AK9: variants seen among roughly 807,000 people sequenced by gnomAD.
The protein encoded by AK9 is adenylate kinase 9.
A neutral mutation model predicts 239.6 loss-of-function variants in AK9; 191 were observed. The ratio of observed to expected loss-of-function variants is 0.80; its 90% CI spans 0.71 to 0.90. The LOEUF (loss-of-function observed/expected upper bound fraction) is 0.90. AK9 is among the 40% of genes least tolerant of loss of function. The pLI, the probability that AK9 is intolerant of heterozygous loss-of-function variation, is 0.00. For missense variants in AK9, 1,995 were observed against 2,214.7 expected, an observed-to-expected ratio of 0.90 and a Z score of 1.99; for synonymous variants, 689 against 721.0, an observed-to-expected ratio of 0.96 and a Z score of 0.71.
At chr6:109,587,782 AGGCTTCTTTTCCTTTG>A (rs1219167160) in intron 17 of AK9, among the ~76,000 whole-genome samples, 3 of 152,184 alleles carry the variant, frequency 2.0e-5, no homozygotes, top group African/African-American at 7.2e-5. Context: ...TTTGATAAAA[AGGCTTCTTTTCCTTTG>A]AGCAGATACT....
At chr6:109,672,064 TAC>T in intron 4 of AK9, 49 bp from the exon 5 acceptor site, 1 of 1,612,252 alleles carries the variant, frequency 6.2e-7, no homozygotes, top group Non-Finnish European at 8.5e-7. Flanking sequence ...ATATCTATGA[TAC>T]AGAGCTTTTT....
chr6:109,493,460 T>C lies in AK9; in HGVS notation c.5645A>G (p.Lys1882Arg). Reference protein sequence around the residue: ...ITYLGAKMTRKYKEPQFRAID... With the variant: ...ITYLGAKMTRRYKEPQFRAID... ...GGCTCTGAACTGAGGTTCCTTGTATTTTCTGGTCATCTTGGCACCCAAGTA... is the reference window on the plus strand; with the variant it reads ...GGCTCTGAACTGAGGTTCCTTGTATCTTCTGGTCATCTTGGCACCCAAGTA... Residue 1882 changes from lysine (K) to arginine (R), a missense_variant, in exon 41 of 41, where the codon AAA becomes AGA. Lys to Arg is a conservative substitution (Grantham distance 26, BLOSUM62 2). This residue lies in a region of AK9 where 391 missense variants were observed against 456.0 expected (regional missense o/e 0.86). Transcript: ENST00000424296. 6.2e-7 allele frequency: 1 copy of C among 1,614,192 alleles called. No homozygotes were observed. Among genetic ancestry groups the C allele is most frequent in the Non-Finnish European group, 8.5e-7 (1 of 1,180,022 alleles).
At chr6:109,547,486 A>G (rs903652864) in intron 25 of AK9, among the ~76,000 whole-genome samples, 1 of 152,192 alleles carries the variant, frequency 6.6e-6, no homozygotes. Context: ...AAAGCTGGAT[A>G]TCCATATGCA....
In AK9 at chr6:109,625,135, C is replaced by A. The variant is rs79461113; in HGVS notation, c.1255-5899G>T. On this transcript the variant is annotated intron_variant, in intron 12 of 40. Coordinates refer to ENST00000424296, the MANE Select transcript of AK9 (RefSeq NM_001145128.3). ...TGTTAATAATTGGAAGCTTCATTTG[C>A]GTGAGTATTGTTTGTTTAGTGTTTA... Among the ~76,000 whole-genome samples the A allele has an allele frequency of 4.1e-3, 621 of 152,108 alleles. 22 individuals carry two copies. The East Asian group carries it at 0.088, about 21-fold the overall frequency.
intron 29 of AK9, 88 bp from the exon 30 acceptor site, chr6:109,516,730 G>T (rs1779313459): frequency 2.6e-6 from 3 of 1,160,554 alleles, no homozygotes; most frequent in African/African-American, 1.5e-5. Flanking sequence ...ATTTTGTAAT[G>T]GCTCGATATT....
Position 109,516,629 on chromosome 6 carries a change from T to A in AK9, c.3647A>T (p.Asp1216Val), listed in dbSNP as rs1190551157. 1 of 1,549,208 alleles carries A rather than the reference T, an allele frequency of 6.5e-7. No homozygotes were observed. The highest frequency in any genetic ancestry group is 8.7e-7 in the Non-Finnish European group (1 of 1,146,296). ...DKKRRENVVR[D>V]DEEISEEELE... Reference sequence around the variant, plus strand: ...TTCTTCCTCACTAATCTCTTCATCATCTCTAACAACATTCTAAGGAAGAAA... The same window carrying A: ...TTCTTCCTCACTAATCTCTTCATCAACTCTAACAACATTCTAAGGAAGAAA... The change falls in exon 30 of 41, where the codon GAT (aspartate) becomes GTT (valine). Residue 1216 changes from aspartate (D) to valine (V), a missense_variant. Transcript: ENST00000424296.
intron 29 of AK9, among the ~76,000 whole-genome samples, chr6:109,523,732 C>A (rs1304943164): frequency 6.6e-6 from 1 of 152,072 alleles, no homozygotes; most frequent in African/African-American, 2.4e-5. Context: ...GATGAGAGAG[C>A]CAGAGAAGGA....
intron 17 of AK9, among the ~76,000 whole-genome samples, chr6:109,592,335 T>G (rs1438524602): frequency 6.6e-6 from 1 of 152,048 alleles, no homozygotes; most frequent in East Asian, 1.9e-4. Flanking sequence ...CACCAGTGAG[T>G]ATTCTAGGGG....
intron 20 of AK9, among the ~76,000 whole-genome samples, chr6:109,574,135 T>C (rs752744739): frequency 6.6e-6 from 1 of 152,202 alleles, no homozygotes; most frequent in South Asian, 2.1e-4. Context: ...AGATTATATA[T>C]ATAATGATTG....
At chr6:109,518,181 G>T (rs1243628652) in intron 29 of AK9, among the ~76,000 whole-genome samples, 1 of 152,124 alleles carries the variant, frequency 6.6e-6, no homozygotes, top group African/African-American at 2.4e-5. Context: ...TGAGGGCAGG[G>T]AGGAAGATGA....
intron 26 of AK9, among the ~76,000 whole-genome samples, chr6:109,543,749 G>T (rs1009924519): frequency 6.6e-6 from 1 of 151,792 alleles, no homozygotes; most frequent in African/African-American, 2.4e-5. Context: ...TGCCTGTCCC[G>T]ATATACATTT....
rs951178405 is a variant in AK9 at position 109,495,424 on chromosome 6, A to G, written c.5332T>C (p.Trp1778Arg). The change falls in exon 39 of 41, where the codon TGG becomes CGG. Residue 1778 changes from tryptophan (W) to arginine (R), a missense_variant. By Grantham distance (101) the Trp-to-Arg change is moderately radical. Around this residue, in one of 5 missense-constraint regions of AK9, gnomAD observed 391 missense variants for 456.0 expected, o/e 0.86. Transcript: ENST00000424296. ...AGCTTGTGTGGAAGCTTCTGTTCCC[A>G]GTATTTCAGTGGCGACCTAAGAACA... The part of the protein sequence containing the change: ...QKFLRSPLKY[W>R]EQKLPHKLPP... 6.2e-7 allele frequency: 1 copy of G among 1,613,122 alleles called. No homozygotes were observed. The highest frequency in any genetic ancestry group is 8.5e-7 in the Non-Finnish European group (1 of 1,179,748).
chr6:109,648,079 C>T (rs1490216215), intron 8 of AK9, among the ~76,000 whole-genome samples: 5 of 152,010 alleles, frequency 3.3e-5, no homozygotes, highest in East Asian at 1.9e-4. Context: ...CTCTGGGACA[C>T]ATTCAAAGCA....
chr6:109,628,059 G>T (rs1325993184), intron 12 of AK9, among the ~76,000 whole-genome samples: 2 of 152,176 alleles, frequency 1.3e-5, no homozygotes, highest in African/African-American at 4.8e-5. Flanking sequence ...AGGAGTGGTT[G>T]TAGGCTTGGT....
chr6:109,547,013 T>C (rs774950916), intron 25 of AK9, among the ~76,000 whole-genome samples: 41 of 152,242 alleles, frequency 2.7e-4, no homozygotes, highest in Non-Finnish European at 5.0e-4. Flanking sequence ...CATATGGATT[T>C]GTGTAAAACA....
intron 5 of AK9, among the ~76,000 whole-genome samples, chr6:109,669,152 G>A (rs180951756): frequency 0.015 from 2,307 of 151,588 alleles, 80 homozygotes; most frequent in Admixed American, 0.088. Flanking sequence ...TATTCTCTTC[G>A]AAGCAATTGT....
At chr6:109,690,821 C>G (rs865503) in intron 1 of AK9, among the ~76,000 whole-genome samples, 124,131 of 152,156 alleles carry the variant, frequency 0.82, 51,198 homozygotes, top group African/African-American at 0.96. Flanking sequence ...GCTAGCCTCA[C>G]GCACAAACGT....
rs565512351 is a variant in AK9 at position 109,493,150 on chromosome 6, G to A, written c.*219C>T. ...GTTAAAGCATCAAAGTTCAGGCAAA[G>A]AGCAATACATTTTAAAATTGTATTA... is the stretch of plus-strand genomic sequence containing the variant. On this transcript the variant is annotated 3_prime_UTR_variant, in exon 41 of 41. Coordinates refer to ENST00000424296, the MANE Select transcript of AK9 (RefSeq NM_001145128.3). 2.3e-6 allele frequency: 1 copy of A among 434,432 alleles called. No individual in the cohort carries two copies. Among genetic ancestry groups the A allele is most frequent in the Admixed American group, 4.0e-5 (1 of 25,052 alleles). 26.9% of individuals were successfully genotyped at this position (434,432 alleles called of 1,614,324 possible).
At chr6:109,497,680 A>C in intron 37 of AK9, 116 bp downstream of exon 37, 1 of 1,386,236 alleles carries the variant, frequency 7.2e-7, no homozygotes, top group Non-Finnish European at 9.9e-7. Flanking sequence ...GAAGAAATAG[A>C]ATATTTTTCC....
Sources: allele counts gnomAD v4.1 joint callset (sites outside exome capture counted in the v4.1 genomes callset), GRCh38; gene constraint gnomAD v4.1.1; regional missense constraint gnomAD v4.1.1; transcripts MANE v1.5; gene names NCBI Gene and HGNC (gene_info 2026-07-23, HGNC 2026-07-21).